Variants in ISLR2 observed in about 807,000 individuals in gnomAD.
The protein encoded by ISLR2 is immunoglobulin superfamily containing leucine rich repeat 2.
ISLR2 carries 16 observed loss-of-function variants against 25.5 expected under a neutral mutation model. The ratio of observed to expected loss-of-function variants is 0.63; its 90% CI spans 0.43 to 0.95. The LOEUF is 0.95. Among genes scored for constraint, ISLR2 ranks in the 40% least tolerant of loss-of-function variants. The pLI, the probability that ISLR2 is intolerant of heterozygous loss-of-function variation, is 0.00. For missense variants in ISLR2, 883 were observed against 1,030.7 expected (o/e 0.86, Z 1.96); for synonymous variants, 508 against 486.6 (o/e 1.04, Z -0.58).
intron 2 of ISLR2, among the ~76,000 whole-genome samples, chr15:74,111,838 G>A (rs549666438): frequency 8.7e-4 from 132 of 152,264 alleles, no homozygotes; most frequent in African/African-American, 3.0e-3. Flanking sequence ...CCTGGAATAA[G>A]TACAGAGGAA....
At chr15:74,113,697 C>G (rs2072188731) in intron 2 of ISLR2, among the ~76,000 whole-genome samples, 1 of 152,198 alleles carries the variant, frequency 6.6e-6, no homozygotes. Context: ...CAGTTTTGCT[C>G]TTATTCCTAG....
chr15:74,130,481 T>TC (rs142361296), upstream of ISLR2: 8,319 of 151,224 alleles, frequency 0.055, 392 homozygotes, highest in African/African-American at 0.13. Flanking sequence ...AGACACGCCT[T>TC]CCCCCCCCAC....
chr15:74,133,268 G>A lies in ISLR2; in HGVS notation c.514G>A (p.Ala172Thr). Residue 172 changes from alanine to threonine, a missense_variant, in exon 3 of 3, where the codon GCG becomes ACG. Transcript: ENST00000453268. ...LAPGTFDALS[A>T]LSHLQLYHNP... ...GCCTGGCACCTTCGACGCGCTTAGC[G>A]CGCTGTCACACTTGCAACTCTATCA... The A allele has an allele frequency of 6.2e-7, 1 of 1,611,442 alleles. No homozygotes were observed.
At chr15:74,139,490 A>T (rs2072599227), downstream of ISLR2, among the ~76,000 whole-genome samples, 1 of 152,070 alleles carries the variant, frequency 6.6e-6, no homozygotes, top group Admixed American at 6.5e-5. Flanking sequence ...TTTGAGGTTG[A>T]ATTCATTTTC....
intron 2 of ISLR2, among the ~76,000 whole-genome samples, chr15:74,111,095 G>A (rs761424101): frequency 4.7e-4 from 67 of 144,018 alleles, no homozygotes; most frequent in Middle Eastern, 3.8e-3. Flanking sequence ...AGCCAAGATC[G>A]CGCCACTGAA....
chr15:74,106,287 G>A (rs2072119032), intron 2 of ISLR2, among the ~76,000 whole-genome samples: 1 of 152,124 alleles, frequency 6.6e-6, no homozygotes, highest in Non-Finnish European at 1.5e-5. Flanking sequence ...CCCAGCCCTA[G>A]CTCAGCTTCT....
Position 74,134,328 on chromosome 15 carries a change from G to A in ISLR2, c.1574G>A (p.Arg525Gln). 1.3e-6 allele frequency: 2 copies of A among 1,544,720 alleles called. No individual in the cohort carries two copies. The highest frequency in any genetic ancestry group is 2.4e-5 in the South Asian group (2 of 83,882). The change falls in exon 3 of 3, where the codon CGA becomes CAA. Residue 525 changes from arginine to glutamine, a missense_variant. Physicochemically the swap from Arg to Gln is conservative, Grantham distance 43. Around this residue, in one of 2 missense-constraint regions of ISLR2, gnomAD observed 612 missense variants for 642.8 expected, o/e 0.95. Coordinates refer to ENST00000453268, the MANE Select transcript of ISLR2 (RefSeq NM_020851.3). ...GAGGAPRPGR[R>Q]PLRLLYLCPA... ...GGCGGAGCCCCGCGACCCGGGCGGC[G>A]ACCCCTGCGCCTACTCTATCTGTGT... is the stretch of plus-strand genomic sequence containing the variant.
Position 74,134,606 on chromosome 15 carries a change from G to T in ISLR2, c.1852G>T (p.Ala618Ser). ...GGGCGCCGCCTGCTGCCATCTGCTGGCTAAACACCCGGGCAAGCCCTACCG... is the reference window on the plus strand; with the variant it reads ...GGGCGCCGCCTGCTGCCATCTGCTGTCTAAACACCCGGGCAAGCCCTACCG... Reference protein sequence around the residue: ...LLGAACCHLLAKHPGKPYRLI... With the variant: ...LLGAACCHLLSKHPGKPYRLI... Residue 618 changes from alanine to serine, a missense_variant, in exon 3 of 3, where the codon GCT becomes TCT. Around this residue, in one of 2 missense-constraint regions of ISLR2, gnomAD observed 612 missense variants for 642.8 expected, o/e 0.95. Transcript: ENST00000453268. The T allele has an allele frequency of 6.2e-7, 1 of 1,614,112 alleles. No individual in the cohort carries two copies. Among genetic ancestry groups the T allele is most frequent in the Non-Finnish European group, 8.5e-7 (1 of 1,180,026 alleles).
chr15:74,110,358 T>C (rs557216144), intron 2 of ISLR2, among the ~76,000 whole-genome samples: 1 of 152,338 alleles, frequency 6.6e-6, no homozygotes, highest in Non-Finnish European at 1.5e-5. Context: ...CAATTGCTTC[T>C]GGGCATTTGT....
downstream of ISLR2, chr15:74,138,457 G>A (rs1395601477): frequency 6.6e-6 from 1 of 152,620 alleles, no homozygotes; most frequent in Non-Finnish European, 1.5e-5. Context: ...ATCTCACTTA[G>A]CTGTGGAGAA....
chr15:74,107,857 G>A lies in ISLR2; in HGVS notation n.228+3943G>A, dbSNP rs548233842. On this transcript the variant is annotated intron_variant and non_coding_transcript_variant, in intron 2 of 3. Transcript: ENST00000561975. ...GGCCATGGGGTGTAGCAGAGCACTG[G>A]GTATGGATCAGGCTCTCCAGGTACA... 2.0e-5 allele frequency among the ~76,000 whole-genome samples: 3 copies of A among 152,288 alleles called. No individual in the cohort carries two copies. In the South Asian group the frequency reaches 6.2e-4, roughly 32 times the overall value.
At chr15:74,139,623 T>C (rs1006258798), downstream of ISLR2, among the ~76,000 whole-genome samples, 2 of 152,222 alleles carry the variant, frequency 1.3e-5, no homozygotes, top group African/African-American at 4.8e-5. Flanking sequence ...TGTCTCTGCC[T>C]GGGTTCCACC....
chr15:74,137,800 T>G (rs951662057), downstream of ISLR2, among the ~76,000 whole-genome samples: 2 of 152,154 alleles, frequency 1.3e-5, no homozygotes, highest in African/African-American at 2.4e-5. Context: ...ATTGGACCAG[T>G]CCAGGCTGGC....
At chr15:74,139,041 C>T (rs909054467), downstream of ISLR2, among the ~76,000 whole-genome samples, 8 of 152,148 alleles carry the variant, frequency 5.3e-5, no homozygotes, top group South Asian at 6.2e-4. Context: ...GGGCCCTCCT[C>T]GAGACCCTCT....
At chr15:74,138,126 G>A (rs915531589), downstream of ISLR2, among the ~76,000 whole-genome samples, 7 of 152,088 alleles carry the variant, frequency 4.6e-5, no homozygotes, top group Non-Finnish European at 8.8e-5. Flanking sequence ...GGCCACAGGA[G>A]TGGAGTGGGG....
chr15:74,138,498 T>A (rs2072592795), downstream of ISLR2: 1 of 152,656 alleles, frequency 6.6e-6, no homozygotes, highest in African/African-American at 2.4e-5. Flanking sequence ...GAAAGACAGT[T>A]CCAGCTTTAA....
At chr15:74,111,304 T>G (rs2072165616) in intron 2 of ISLR2, among the ~76,000 whole-genome samples, 1 of 152,110 alleles carries the variant, frequency 6.6e-6, no homozygotes, top group African/African-American at 2.4e-5. Flanking sequence ...GTTTTTGTTT[T>G]GTTTTTGAGA....
chr15:74,134,866 C>CT lies in ISLR2; in HGVS notation c.2112_2113insT (p.Gln705SerfsTer14). 1.2e-6 allele frequency: 2 copies of CT among 1,614,112 alleles called. No individual in the cohort carries two copies. The highest frequency in any genetic ancestry group is 8.5e-7 in the Non-Finnish European group (1 of 1,180,030). ...TGGCGGCCTGCTCACTGGTGGAGTCCCAGTCCAAGGCCAACCAAGAGGAGT... is the reference window on the plus strand; with the variant it reads ...TGGCGGCCTGCTCACTGGTGGAGTCCTCAGTCCAAGGCCAACCAAGAGGAGT... On this transcript the variant is annotated frameshift_variant, in exon 3 of 3. Transcript: ENST00000453268. LOFTEE classifies it high-confidence loss of function.
chr15:74,128,621 C>T (rs945479169), upstream of ISLR2: 1 of 456,538 alleles, frequency 2.2e-6, no homozygotes, highest in African/African-American at 2.0e-5. Flanking sequence ...CAGATTCTGC[C>T]TCCCTGCGGA....
Sources: allele counts gnomAD v4.1 joint callset (sites outside exome capture counted in the v4.1 genomes callset), GRCh38; gene constraint gnomAD v4.1.1; regional missense constraint gnomAD v4.1.1; transcripts MANE v1.5; gene names NCBI Gene and HGNC (gene_info 2026-07-23, HGNC 2026-07-21).